Variants in GAS6 observed in about 807,000 individuals in gnomAD.
GAS6 encodes the protein growth arrest specific 6.
In GAS6, 41 loss-of-function variants were observed where a neutral mutation model predicts 75.8. That is an observed-to-expected ratio of 0.54 (90% CI 0.42 to 0.70). GAS6 has a LOEUF of 0.70. GAS6 is among the 30% of genes least tolerant of loss of function. GAS6 has a pLI of 0.00. For missense variants in GAS6, 854 were observed against 940.2 expected (o/e 0.91, Z 1.20); for synonymous variants, 432 against 412.6 (o/e 1.05, Z -0.57).
chr13:113,835,559 G>A lies in GAS6; in HGVS notation c.666C>T (p.Leu222=), dbSNP rs1362132349. The change falls in exon 7 of 15, where the codon CTC becomes CTT. Residue 222 remains leucine, a synonymous_variant. Coordinates refer to ENST00000327773, the MANE Select transcript of GAS6 (RefSeq NM_000820.4). The stretch of plus-strand genomic sequence containing the variant: ...AGCTGTACGCAAAGCCCTCGTCACA[G>A]AGGCAGGAGTAGGAGCCGGGCAGGT... ...CKNLPGSYSC[L]CDEGFAYSSQ... is the part of the protein sequence containing the mutation. 1 of 1,612,624 alleles carries A rather than the reference G, an allele frequency of 6.2e-7. No individual in the cohort carries two copies. Among genetic ancestry groups the A allele is most frequent in the Non-Finnish European group, 8.5e-7 (1 of 1,179,884 alleles).
chr13:113,853,559 ATT>A (rs1301983389), intron 2 of GAS6, among the ~76,000 whole-genome samples: 1 of 152,238 alleles, frequency 6.6e-6, no homozygotes, highest in East Asian at 1.9e-4. Context: ...ACAGCCATAA[ATT>A]TTGTTTCCAA....
intron 2 of GAS6, among the ~76,000 whole-genome samples, chr13:113,857,699 C>A (rs1294324357): frequency 6.6e-6 from 1 of 152,254 alleles, no homozygotes; most frequent in African/African-American, 2.4e-5. Context: ...TAAGCACTTG[C>A]TTCCTAAAAG....
At chr13:113,839,642 G>A (rs374431293) in intron 5 of GAS6, 86 bp downstream of exon 5, 34 of 1,536,978 alleles carry the variant, frequency 2.2e-5, no homozygotes, top group African/African-American at 1.2e-4. Flanking sequence ...GAGGATGGCC[G>A]TGCCCCGGAG....
chr13:113,860,925 C>A (rs1231420382), intron 2 of GAS6, among the ~76,000 whole-genome samples: 1 of 151,878 alleles, frequency 6.6e-6, no homozygotes, highest in African/African-American at 2.4e-5. Context: ...CCCTCACAAC[C>A]AGGAAGCAGC....
intron 2 of GAS6, among the ~76,000 whole-genome samples, chr13:113,853,074 A>G (rs1360056427): frequency 6.6e-6 from 1 of 152,226 alleles, no homozygotes; most frequent in Non-Finnish European, 1.5e-5. Context: ...TCTCGATCCA[A>G]CTAGACCCTG....
At chr13:113,833,334 T>G in intron 8 of GAS6, 1 of 997,088 alleles carries the variant, frequency 1.0e-6, no homozygotes, top group East Asian at 1.1e-4. Context: ...GCAAAGAACC[T>G]CAAGGCGAGG....
chr13:113,835,835 A>T, intron 6 of GAS6, 200 bp from the exon 7 acceptor site: 1 of 1,316,586 alleles, frequency 7.6e-7, no homozygotes, highest in Non-Finnish European at 9.7e-7. Context: ...CTTCTGATCA[A>T]GGCCCGGCTG....
At chr13:113,852,664 C>A (rs543228799) in intron 2 of GAS6, among the ~76,000 whole-genome samples, 19 of 152,200 alleles carry the variant, frequency 1.2e-4, no homozygotes, top group Non-Finnish European at 2.4e-4. Context: ...CCAAGTCCAC[C>A]TCCGCCCCTG....
intron 2 of GAS6, among the ~76,000 whole-genome samples, chr13:113,851,083 A>G (rs142314783): frequency 0.026 from 3,916 of 152,232 alleles, 77 homozygotes; most frequent in Non-Finnish European, 0.036. Flanking sequence ...GAATGAGTGG[A>G]TGGATGAGTG....
chr13:113,836,828 TGGG>T (rs1171931114), intron 6 of GAS6, among the ~76,000 whole-genome samples: 3 of 62,096 alleles, frequency 4.8e-5, no homozygotes, highest in Non-Finnish European at 6.4e-5. Context: ...AGGAGGAAGA[TGGG>T]GAGGAGGAGG....
chr13:113,840,858 C>G (rs1250892105), intron 4 of GAS6: 2 of 152,262 alleles, frequency 1.3e-5, no homozygotes, highest in East Asian at 1.9e-4. Flanking sequence ...TGGGTAGGGC[C>G]CCCCTGCTGG....
chr13:113,824,489 C>T (rs905918367), intron 12 of GAS6, among the ~76,000 whole-genome samples: 4 of 152,102 alleles, frequency 2.6e-5, no homozygotes, highest in African/African-American at 7.2e-5. Flanking sequence ...ATCCTCTCCA[C>T]GCTGAGCCCT....
intron 2 of GAS6, among the ~76,000 whole-genome samples, chr13:113,851,183 G>A (rs1159944773): frequency 1.3e-5 from 2 of 151,894 alleles, no homozygotes; most frequent in Non-Finnish European, 2.9e-5. Flanking sequence ...GACTGAGTGG[G>A]TAAATGAATA....
intron 2 of GAS6, among the ~76,000 whole-genome samples, chr13:113,858,310 C>A (rs1389861469): frequency 6.6e-6 from 1 of 152,176 alleles, no homozygotes; most frequent in African/African-American, 2.4e-5. Flanking sequence ...GCATATTATG[C>A]ATGTGTGTAC....
At chr13:113,831,786 C>T (rs1326398481) in intron 10 of GAS6, among the ~76,000 whole-genome samples, 97 of 131,118 alleles carry the variant, frequency 7.4e-4, no homozygotes, top group African/African-American at 2.5e-3. Flanking sequence ...GGGCAGGGGT[C>T]CCCGTCCCCC....
At chr13:113,827,798 G>A (rs2051570451) in intron 11 of GAS6, among the ~76,000 whole-genome samples, 1 of 152,198 alleles carries the variant, frequency 6.6e-6, no homozygotes, top group Admixed American at 6.5e-5. Flanking sequence ...CAGCACGTGG[G>A]GGCTGGAGAC....
chr13:113,840,480 G>A (rs2051763718), intron 4 of GAS6: 1 of 152,602 alleles, frequency 6.6e-6, no homozygotes, highest in Non-Finnish European at 1.5e-5. Flanking sequence ...GTGAGGGCCT[G>A]AGGGTGGGAA....
rs1408031230 is a variant in GAS6 at position 113,837,783 on chromosome 13, G to A, written c.589+286C>T. Among the ~76,000 whole-genome samples, 1 of 152,156 alleles carries A rather than the reference G, an allele frequency of 6.6e-6. No homozygotes were observed. The highest frequency in any genetic ancestry group is 1.9e-4 in the East Asian group (1 of 5,178). ...CCTGGAGCACTTCCAGGCTCTGTGAGGCTCTGGGGAATGGACGAGGCCCTA... is the reference window on the plus strand; with the variant it reads ...CCTGGAGCACTTCCAGGCTCTGTGAAGCTCTGGGGAATGGACGAGGCCCTA... On this transcript the variant is annotated intron_variant, in intron 6 of 14. Coordinates refer to ENST00000327773, the MANE Select transcript of GAS6 (RefSeq NM_000820.4). This position sits in a 1 kb window ranked among gnomAD's most constrained non-coding sequence, Gnocchi z 5.1.
intron 4 of GAS6, chr13:113,843,576 T>C (rs6602912): frequency 6.6e-6 from 1 of 150,864 alleles, no homozygotes; most frequent in Non-Finnish European, 1.5e-5. Flanking sequence ...GTGGCCGCTA[T>C]GGCAGGACGG....
Sources: allele counts gnomAD v4.1 joint callset (sites outside exome capture counted in the v4.1 genomes callset), GRCh38; gene constraint gnomAD v4.1.1; non-coding constraint Gnocchi (gnomAD v3.1); transcripts MANE v1.5; gene names NCBI Gene and HGNC (gene_info 2026-07-23, HGNC 2026-07-21).